The following HDAC4 variants were observed in gnomAD, a reference collection of about 807,000 sequenced individuals.
The protein encoded by HDAC4 is histone deacetylase 4.
A neutral mutation model predicts 135.1 loss-of-function variants in HDAC4; 16 were observed. That is an observed-to-expected ratio of 0.12 (90% CI 0.08 to 0.18). The LOEUF (loss-of-function observed/expected upper bound fraction) is 0.18, where lower values mean the gene tolerates loss of function less well. HDAC4 is among the 10% of genes least tolerant of loss of function. HDAC4 has a pLI of 1.00. For missense variants in HDAC4, 1,143 were observed against 1,511.8 expected (o/e 0.76, Z 4.05); for synonymous variants, 685 against 653.4 (o/e 1.05, Z -0.74).
In HDAC4 at chr2:239,378,392, G is replaced by A. The variant is rs374176052; in HGVS notation, c.-220+22586C>T. 2.0e-4 allele frequency among the ~76,000 whole-genome samples: 31 copies of A among 152,238 alleles called. No individual in the cohort carries two copies. The East Asian group carries it at 4.4e-3, about 22-fold the overall frequency. The stretch of plus-strand genomic sequence containing the variant: ...AGGGAAGGCGTTGGCCCCGGGGAAC[G>A]AAGAGCTGAGTCACATGCTCAACGT... On this transcript the variant is annotated intron_variant, in intron 1 of 26. Transcript: ENST00000543185.
chr2:239,205,709 G>A (rs2046004857), intron 3 of HDAC4, among the ~76,000 whole-genome samples: 2 of 151,672 alleles, frequency 1.3e-5, no homozygotes, highest in Admixed American at 6.6e-5. Flanking sequence ...GAGGAGGGGA[G>A]GACGAGGAGG....
chr2:239,183,386 G>A (rs911498017), intron 4 of HDAC4, among the ~76,000 whole-genome samples: 1 of 152,196 alleles, frequency 6.6e-6, no homozygotes, highest in Non-Finnish European at 1.5e-5. Flanking sequence ...GGCAGATGCC[G>A]CGCCCGCATA....
chr2:239,096,324 C>T (rs563984397), intron 16 of HDAC4, among the ~76,000 whole-genome samples: 265 of 151,636 alleles, frequency 1.7e-3, no homozygotes, highest in African/African-American at 6.3e-3. Flanking sequence ...CCCACGGATG[C>T]CCGCACCCCC....
At chr2:239,242,431 G>C (rs976158161) in intron 2 of HDAC4, among the ~76,000 whole-genome samples, 2 of 152,100 alleles carry the variant, frequency 1.3e-5, no homozygotes, top group Non-Finnish European at 2.9e-5. Flanking sequence ...TTATTACTAG[G>C]TATTTGATAT....
At chr2:239,194,748 C>T (rs894468468) in intron 3 of HDAC4, among the ~76,000 whole-genome samples, 3 of 152,236 alleles carry the variant, frequency 2.0e-5, no homozygotes, top group Non-Finnish European at 4.4e-5. Flanking sequence ...CTGCTTCCTA[C>T]TCCTCCAGGC....
intron 2 of HDAC4, among the ~76,000 whole-genome samples, chr2:239,260,378 G>A (rs1278771814): frequency 2.6e-5 from 4 of 152,228 alleles, no homozygotes; most frequent in Non-Finnish European, 2.9e-5. Context: ...AAAATGGGAA[G>A]GACAACGCTT....
intron 22 of HDAC4, among the ~76,000 whole-genome samples, chr2:239,073,302 A>G (rs2034388631): frequency 6.6e-6 from 1 of 152,220 alleles, no homozygotes; most frequent in African/African-American, 2.4e-5. Context: ...TTCCAAGGAC[A>G]CAGGAGCTGT....
intron 16 of HDAC4, among the ~76,000 whole-genome samples, chr2:239,098,814 TA>T (rs2037354305): frequency 6.6e-6 from 1 of 152,228 alleles, no homozygotes; most frequent in South Asian, 2.1e-4. Flanking sequence ...AGACTGATGA[TA>T]ATGAAGTTTC....
intron 16 of HDAC4, among the ~76,000 whole-genome samples, chr2:239,099,421 G>C (rs988718766): frequency 6.6e-6 from 1 of 152,208 alleles, no homozygotes; most frequent in Non-Finnish European, 1.5e-5. Flanking sequence ...TGGCAGCCCC[G>C]GTGACATCGA....
At chr2:239,264,997 G>C (rs907206214) in intron 2 of HDAC4, among the ~76,000 whole-genome samples, 2 of 152,210 alleles carry the variant, frequency 1.3e-5, no homozygotes, top group Admixed American at 6.5e-5. Flanking sequence ...TCCCCCTGCA[G>C]AGCAGGGCAG....
At chr2:239,194,763 G>C (rs1182439280) in intron 3 of HDAC4, among the ~76,000 whole-genome samples, 1 of 152,220 alleles carries the variant, frequency 6.6e-6, no homozygotes, top group South Asian at 2.1e-4. Flanking sequence ...CCAGGCCCCT[G>C]CTGGGTCACC....
At chr2:239,354,562 A>ATTT (rs566361037) in intron 1 of HDAC4, among the ~76,000 whole-genome samples, 4 of 76,586 alleles carry the variant, frequency 5.2e-5, no homozygotes, top group Admixed American at 1.8e-4. Context: ...TAGTCTAGAA[A>ATTT]TTTTTTTTTT....
intron 3 of HDAC4, among the ~76,000 whole-genome samples, chr2:239,223,739 C>T (rs1026342165): frequency 6.6e-6 from 1 of 151,950 alleles, no homozygotes; most frequent in Non-Finnish European, 1.5e-5. Context: ...GGAGGCTGTG[C>T]GCTCACACTC....
chr2:239,358,572 C>T (rs1314666874), intron 1 of HDAC4, among the ~76,000 whole-genome samples: 1 of 152,296 alleles, frequency 6.6e-6, no homozygotes, highest in East Asian at 1.9e-4. Flanking sequence ...CGACAGAGCA[C>T]GCAGGGCCCT....
Position 239,189,973 on chromosome 2 carries a change from G to T in HDAC4, c.199C>A (p.Arg67=), listed in dbSNP as rs376138478. Residue 67 remains arginine, a synonymous_variant, in exon 4 of 27, where the codon CGG becomes AGG. Coordinates refer to ENST00000543185, the MANE Select transcript of HDAC4 (RefSeq NM_001378414.1). ...FSLPVAEPAL[R]EQQLQQELLA... is the part of the protein sequence containing the mutation. ...AGCTCCTGCTGCAGCTGCTGCTCCC[G>T]CAGGGCCGGCTCTGCCACAGGCAGT... 25 of 1,607,790 alleles carry T rather than the reference G, an allele frequency of 1.6e-5. No individual in the cohort carries two copies. Among genetic ancestry groups the T allele is most frequent in the Non-Finnish European group, 2.0e-5 (24 of 1,179,924 alleles).
intron 5 of HDAC4, among the ~76,000 whole-genome samples, chr2:239,169,629 G>A (rs913997128): frequency 6.6e-6 from 1 of 152,178 alleles, no homozygotes; most frequent in Non-Finnish European, 1.5e-5. Context: ...ACTGCCAGCC[G>A]GGTTCCACTT....
intron 16 of HDAC4, among the ~76,000 whole-genome samples, chr2:239,100,442 C>A (rs2037507958): frequency 6.6e-6 from 1 of 152,252 alleles, no homozygotes; most frequent in Non-Finnish European, 1.5e-5. Flanking sequence ...TTCCACTGAA[C>A]TTGTCCACGT....
chr2:239,093,445 G>A (rs748991243), intron 17 of HDAC4, among the ~76,000 whole-genome samples: 6 of 152,230 alleles, frequency 3.9e-5, no homozygotes, highest in Non-Finnish European at 7.3e-5. Context: ...GCTCAGGAGA[G>A]CTGCATCTGT....
At chr2:239,316,997 A>T (rs1204999989) in intron 2 of HDAC4, among the ~76,000 whole-genome samples, 1 of 152,184 alleles carries the variant, frequency 6.6e-6, no homozygotes, top group Non-Finnish European at 1.5e-5. Flanking sequence ...CCCATTTCAG[A>T]TGAGTAACAA....
Sources: gnomAD v4.1 joint callset for allele counts (sites outside exome capture counted in the v4.1 genomes callset) on GRCh38, gnomAD v4.1.1 for gene constraint, MANE v1.5 for transcripts, NCBI Gene and HGNC (gene_info 2026-07-23, HGNC 2026-07-21) for gene names.